Variants in HS6ST3 observed in about 807,000 individuals in gnomAD.
HS6ST3 encodes heparan sulfate 6-O-sulfotransferase 3.
In HS6ST3, 12 loss-of-function variants were observed where a neutral mutation model predicts 36.7. That is an observed-to-expected ratio of 0.33 (90% CI 0.21 to 0.53). The LOEUF is 0.53. Ranked by LOEUF, HS6ST3 falls within the 20% of genes least tolerant of loss-of-function variation. The pLI is 0.95. For synonymous variants in HS6ST3, 240 were observed against 257.5 expected, an observed-to-expected ratio of 0.93 and a Z score of 0.65; for missense variants, 584 against 640.9, an observed-to-expected ratio of 0.91 and a Z score of 0.96.
chr13:96,278,328 GT>G (rs2054758620), intron 1 of HS6ST3, among the ~76,000 whole-genome samples: 1 of 152,070 alleles, frequency 6.6e-6, no homozygotes, highest in Non-Finnish European at 1.5e-5. Flanking sequence ...ATCCTGTGGG[GT>G]TTTCATCAGG....
intron 1 of HS6ST3, among the ~76,000 whole-genome samples, chr13:96,807,639 T>C (rs1482001682): frequency 6.6e-6 from 1 of 152,172 alleles, no homozygotes; most frequent in Non-Finnish European, 1.5e-5. Context: ...AGAATTTAAC[T>C]GAATAAACAA....
intron 1 of HS6ST3, among the ~76,000 whole-genome samples, chr13:96,095,400 T>C (rs1456967661): frequency 1.3e-5 from 2 of 152,258 alleles, no homozygotes; most frequent in Non-Finnish European, 2.9e-5. Flanking sequence ...TTCTCTTTTA[T>C]AACGTGTATT....
At chr13:96,393,892 C>G (rs1003777560) in intron 1 of HS6ST3, among the ~76,000 whole-genome samples, 1 of 152,144 alleles carries the variant, frequency 6.6e-6, no homozygotes, top group Non-Finnish European at 1.5e-5. Context: ...AGTATTTATT[C>G]TTAGTGGATA....
At chr13:96,814,575 A>G (rs1205161128) in intron 1 of HS6ST3, among the ~76,000 whole-genome samples, 1 of 151,818 alleles carries the variant, frequency 6.6e-6, no homozygotes, top group Non-Finnish European at 1.5e-5. Flanking sequence ...GTCTAATTTT[A>G]CTTTTATTAT....
intron 1 of HS6ST3, among the ~76,000 whole-genome samples, chr13:96,686,905 T>C (rs1475439134): frequency 6.6e-6 from 1 of 152,064 alleles, no homozygotes; most frequent in African/African-American, 2.4e-5. Flanking sequence ...CCTCATTGTG[T>C]ACTCCAAAAC....
intron 1 of HS6ST3, among the ~76,000 whole-genome samples, chr13:96,334,979 G>A (rs11617706): frequency 0.07 from 10,693 of 152,276 alleles, 463 homozygotes; most frequent in Middle Eastern, 0.12. Context: ...AGTGGCAAAG[G>A]AGGATAGGTG....
At chr13:96,729,758 G>T (rs933693380) in intron 1 of HS6ST3, among the ~76,000 whole-genome samples, 2 of 152,030 alleles carry the variant, frequency 1.3e-5, no homozygotes, top group African/African-American at 2.4e-5. Context: ...GAGCAACCAC[G>T]CCCGGCCCCA....
chr13:96,304,707 CTTTCTTTTTTTT>C (rs1566317889), intron 1 of HS6ST3, among the ~76,000 whole-genome samples: 1 of 92,206 alleles, frequency 1.1e-5, no homozygotes, highest in African/African-American at 4.9e-5. Flanking sequence ...TTCTTTCTTT[CTTTCTTTTTTTT>C]TTTTTTTTTT....
At chr13:96,241,909 C>T (rs1219443781) in intron 1 of HS6ST3, among the ~76,000 whole-genome samples, 1 of 151,598 alleles carries the variant, frequency 6.6e-6, no homozygotes, top group African/African-American at 2.4e-5. Flanking sequence ...CCTCAGCCTC[C>T]CGAGTAGCTG....
At chr13:96,440,184 C>T (rs539824603) in intron 1 of HS6ST3, among the ~76,000 whole-genome samples, 3 of 152,264 alleles carry the variant, frequency 2.0e-5, no homozygotes, top group East Asian at 3.9e-4. Context: ...CGGTGGCTCA[C>T]GCCTATAATC....
chr13:96,807,883 T>C (rs974143128), intron 1 of HS6ST3, among the ~76,000 whole-genome samples: 10 of 144,174 alleles, frequency 6.9e-5, no homozygotes, highest in African/African-American at 2.5e-4. Flanking sequence ...AAAAAAAAAG[T>C]GTAGCATTAT....
rs761294440 is a variant in HS6ST3 at position 96,125,178 on chromosome 13, A to C, written c.707+33609A>C. ...AATTAAAACCACCAAATTGCCGTTA[A>C]ATCAAAGATAAAGAGTGAGATATAA... On this transcript the variant is annotated intron_variant, in intron 1 of 1. Transcript: ENST00000376705. 9.2e-5 allele frequency among the ~76,000 whole-genome samples: 14 copies of C among 152,206 alleles called. No individual in the cohort carries two copies. In the East Asian group the frequency reaches 2.7e-3, roughly 29 times the overall value.
intron 1 of HS6ST3, among the ~76,000 whole-genome samples, chr13:96,661,479 T>G (rs2056646114): frequency 6.6e-6 from 1 of 152,170 alleles, no homozygotes; most frequent in Non-Finnish European, 1.5e-5. Flanking sequence ...ACTTTGAGTC[T>G]GTGAATGTCT....
intron 1 of HS6ST3, among the ~76,000 whole-genome samples, chr13:96,672,142 G>A (rs1355689116): frequency 6.6e-6 from 1 of 151,958 alleles, no homozygotes; most frequent in African/African-American, 2.4e-5. Context: ...TCCAAAGTAT[G>A]GAATATGAAG....
intron 1 of HS6ST3, among the ~76,000 whole-genome samples, chr13:96,679,216 C>G (rs2056709777): frequency 1.3e-5 from 2 of 151,064 alleles, no homozygotes; most frequent in South Asian, 4.2e-4. Flanking sequence ...CAATGCTTAT[C>G]TCTGGGTTCG....
At chr13:96,189,518 T>C (rs560821686) in intron 1 of HS6ST3, among the ~76,000 whole-genome samples, 17 of 152,122 alleles carry the variant, frequency 1.1e-4, no homozygotes, top group African/African-American at 3.6e-4. Context: ...AATTTGTCTG[T>C]GAGGTCCTCA....
chr13:96,743,555 A>G (rs942094130), intron 1 of HS6ST3, among the ~76,000 whole-genome samples: 6 of 152,092 alleles, frequency 3.9e-5, no homozygotes, highest in Non-Finnish European at 7.4e-5. Flanking sequence ...AATGTTACTT[A>G]GTGAATAACT....
At chr13:96,306,068 A>T (rs1436729992) in intron 1 of HS6ST3, among the ~76,000 whole-genome samples, 1 of 149,084 alleles carries the variant, frequency 6.7e-6, no homozygotes, top group African/African-American at 2.5e-5. Context: ...AGTAGCTGGG[A>T]TTACAGATGC....
chr13:96,798,284 T>C (rs1877963523), intron 1 of HS6ST3, among the ~76,000 whole-genome samples: 1 of 152,082 alleles, frequency 6.6e-6, no homozygotes, highest in Non-Finnish European at 1.5e-5. Context: ...TTATGGAGGC[T>C]ACATTACATG....
Sources: allele counts gnomAD v4.1 joint callset (sites outside exome capture counted in the v4.1 genomes callset), GRCh38; gene constraint gnomAD v4.1.1; transcripts MANE v1.5; gene names NCBI Gene and HGNC (gene_info 2026-07-23, HGNC 2026-07-21).